The following CSNK1G2 variants were observed in gnomAD, a reference collection of about 807,000 sequenced individuals.
The protein encoded by CSNK1G2 is casein kinase I isoform gamma-2.
CSNK1G2 carries 11 observed loss-of-function variants against 48.0 expected under a neutral mutation model. The ratio of observed to expected loss-of-function variants is 0.23; its 90% confidence interval spans 0.14 to 0.38. CSNK1G2 has a LOEUF of 0.38. Ranked by LOEUF, CSNK1G2 falls within the 10% of genes least tolerant of loss-of-function variation. CSNK1G2 has a pLI of 1.00. For synonymous variants in CSNK1G2, 337 were observed against 254.1 expected, an observed-to-expected ratio of 1.33 and a Z score of -3.10; for missense variants, 446 against 595.5, an observed-to-expected ratio of 0.75 and a Z score of 2.61.
rs532823248 is a variant in CSNK1G2, at chr19:1,951,328, G to A, written c.-266+9910G>A. 1.5e-3 allele frequency among the ~76,000 whole-genome samples: 210 copies of A among 144,730 alleles called. 32 individuals are homozygous for A. Among genetic ancestry groups the A allele is most frequent in the African/African-American group, 5.2e-3 (196 of 37,658 alleles). 94.9% of individuals were successfully genotyped at this position (144,730 alleles called of 152,430 possible). The stretch of plus-strand genomic sequence containing the variant: ...TGAGGCAGGAGAATGGCGTGAACCC[G>A]GGAGGCGGAGCTTGCAGTGAGCCGA... On this transcript the variant is annotated intron_variant, in intron 1 of 11. Transcript: ENST00000255641.
chr19:1,960,681 A>G (rs557855929), intron 1 of CSNK1G2, among the ~76,000 whole-genome samples: 2 of 152,226 alleles, frequency 1.3e-5, no homozygotes, highest in East Asian at 3.9e-4. Context: ...TGAAGTCGGG[A>G]GTTTGAGACC....
At chr19:1,962,874 C>T (rs1050534371) in intron 1 of CSNK1G2, among the ~76,000 whole-genome samples, 4 of 152,162 alleles carry the variant, frequency 2.6e-5, no homozygotes, top group African/African-American at 4.8e-5. Context: ...CGCAGAAGCC[C>T]GTGCGCAGAC....
In CSNK1G2 at chr19:1,981,045, C is replaced by G. The variant is rs948556750; in HGVS notation, c.*842C>G. The G allele has an allele frequency of 6.6e-6, 1 of 152,294 alleles. No homozygotes were observed. Among genetic ancestry groups the G allele is most frequent in the Non-Finnish European group, 1.5e-5 (1 of 68,102 alleles). The allele number at this position is 152,294 out of a possible 1,614,324, so 9.4% of individuals were successfully genotyped here. The stretch of plus-strand genomic sequence containing the variant: ...CACGGAGCTTCCTGCCTCTCTGCTC[C>G]GACACCCGGCAAGCAGCCGGAGACA... On this transcript the variant is annotated 3_prime_UTR_variant, in exon 12 of 12. Coordinates refer to ENST00000255641, the MANE Select transcript of CSNK1G2 (RefSeq NM_001319.7).
At chr19:1,966,526 G>C (rs969525812) in intron 1 of CSNK1G2, among the ~76,000 whole-genome samples, 1 of 152,164 alleles carries the variant, frequency 6.6e-6, no homozygotes, top group Non-Finnish European at 1.5e-5. Context: ...CTGTGAACCT[G>C]GGGGTAATGA....
chr19:1,966,027 G>A (rs371911650), intron 1 of CSNK1G2, among the ~76,000 whole-genome samples: 4 of 152,092 alleles, frequency 2.6e-5, no homozygotes, highest in Non-Finnish European at 4.4e-5. Context: ...TTGAACTCCC[G>A]GCCTCAAGCA....
At chr19:1,973,144 G>C (rs2015631532) in intron 2 of CSNK1G2, among the ~76,000 whole-genome samples, 1 of 146,192 alleles carries the variant, frequency 6.8e-6, no homozygotes, top group African/African-American at 2.5e-5. Flanking sequence ...AGCCAGGATG[G>C]TCTCCATTTC....
At chr19:1,966,814 T>G (rs905405252) in intron 1 of CSNK1G2, among the ~76,000 whole-genome samples, 5 of 152,130 alleles carry the variant, frequency 3.3e-5, no homozygotes, top group African/African-American at 1.2e-4. Flanking sequence ...CCGGGGAGAT[T>G]AGGGCCACTC....
chr19:1,948,207 C>A (rs1342036536), intron 1 of CSNK1G2, among the ~76,000 whole-genome samples: 1 of 152,206 alleles, frequency 6.6e-6, no homozygotes, highest in Non-Finnish European at 1.5e-5. Context: ...CTGGCCAGAG[C>A]CGGGCTCACA....
Position 1,979,826 on chromosome 19 carries a change from C to CA in CSNK1G2, c.1082dup (p.Asn361LysfsTer36). On this transcript the variant is annotated frameshift_variant, in exon 10 of 12. Transcript: ENST00000255641. LOFTEE classifies it high-confidence loss of function. ...TCCGGGACAAAACCCAGCCGCACAG[C>CA]AAAAACCAGGTGAGGCCCGGGCGGG... 6.2e-7 allele frequency: 1 copy of CA among 1,606,566 alleles called. No individual in the cohort carries two copies. Among genetic ancestry groups the CA allele is most frequent in the Non-Finnish European group, 8.5e-7 (1 of 1,177,316 alleles).
intron 1 of CSNK1G2, chr19:1,953,907 TC>T (rs762581397): frequency 3.7e-6 from 2 of 534,166 alleles, no homozygotes; most frequent in African/African-American, 1.9e-5. Context: ...AGGCCGGCTG[TC>T]CTCGTGGGCG....
At chr19:1,968,403 G>A (rs1457511456) in intron 1 of CSNK1G2, among the ~76,000 whole-genome samples, 2 of 152,102 alleles carry the variant, frequency 1.3e-5, no homozygotes, top group African/African-American at 4.8e-5. Context: ...CTCCTTGCTG[G>A]GGACCGTCCT....
intron 1 of CSNK1G2, among the ~76,000 whole-genome samples, chr19:1,959,038 C>T (rs1220636305): frequency 2.0e-5 from 3 of 149,924 alleles, no homozygotes; most frequent in African/African-American, 7.4e-5. Context: ...TCCCAGGGTG[C>T]GAGTTGGTTT....
At chr19:1,962,288 G>C (rs2015224149) in intron 1 of CSNK1G2, among the ~76,000 whole-genome samples, 1 of 151,440 alleles carries the variant, frequency 6.6e-6, no homozygotes. Flanking sequence ...TCGAGTTCGT[G>C]CCACTGCACT....
intron 1 of CSNK1G2, among the ~76,000 whole-genome samples, chr19:1,968,432 C>T (rs963392471): frequency 5.9e-5 from 9 of 152,210 alleles, no homozygotes; most frequent in African/African-American, 1.7e-4. Flanking sequence ...TCGGGGCCTG[C>T]GCTGAGACTG....
intron 1 of CSNK1G2, among the ~76,000 whole-genome samples, chr19:1,946,543 G>A (rs982571873): frequency 2.7e-5 from 4 of 150,352 alleles, no homozygotes; most frequent in South Asian, 4.2e-4. Context: ...TGCCCGCCTC[G>A]GCCTCCCAAA....
intron 1 of CSNK1G2, among the ~76,000 whole-genome samples, chr19:1,964,928 G>A (rs936534960): frequency 1.1e-4 from 17 of 151,032 alleles, no homozygotes; most frequent in South Asian, 4.2e-4. Flanking sequence ...GGGTTTCAGC[G>A]TATTAGCCAG....
chr19:1,946,265 C>CATTCATTTATTT (rs534248791), intron 1 of CSNK1G2, among the ~76,000 whole-genome samples: 20 of 114,452 alleles, frequency 1.7e-4, no homozygotes, highest in South Asian at 5.6e-4. Flanking sequence ...ACTATTTATT[C>CATTCATTTATTT]GTTTATTTAT....
chr19:1,943,981 A>G (rs1300121902), intron 1 of CSNK1G2, among the ~76,000 whole-genome samples: 3 of 152,084 alleles, frequency 2.0e-5, no homozygotes, highest in Non-Finnish European at 4.4e-5. Context: ...GGCAGTGGGC[A>G]GGCCAGCATG....
chr19:1,954,661 AG>A (rs2014916683), intron 1 of CSNK1G2: 1 of 152,266 alleles, frequency 6.6e-6, no homozygotes, highest in African/African-American at 2.4e-5. Flanking sequence ...GGCCCTCCCC[AG>A]GGAACTGGCC....
Sources: gnomAD v4.1 joint callset for allele counts (sites outside exome capture counted in the v4.1 genomes callset) on GRCh38, gnomAD v4.1.1 for gene constraint, MANE v1.5 for transcripts, NCBI Gene and HGNC (gene_info 2026-07-23, HGNC 2026-07-21) for gene names.